CFAP299: variants seen among roughly 807,000 people sequenced by gnomAD.
CFAP299 encodes the protein cilia- and flagella-associated protein 299.
In CFAP299, 21 loss-of-function variants were observed where a neutral mutation model predicts 27.0. The observed-to-expected ratio is 0.78, with a 90% confidence interval of 0.55 to 1.12. The LOEUF is 1.12. Ranked by LOEUF, CFAP299 falls within the 50% of genes most tolerant of loss-of-function variation. The pLI, the probability that CFAP299 is intolerant of heterozygous loss-of-function variation, is 0.00. For missense variants in CFAP299, 310 were observed against 276.6 expected, an observed-to-expected ratio of 1.12 and a Z score of -0.86; for synonymous variants, 104 against 98.1, an observed-to-expected ratio of 1.06 and a Z score of -0.36.
At chr4:80,696,223 C>A (rs1211469315) in intron 3 of CFAP299, among the ~76,000 whole-genome samples, 1 of 150,986 alleles carries the variant, frequency 6.6e-6, no homozygotes, top group Non-Finnish European at 1.5e-5. Flanking sequence ...ATTGCTTGAA[C>A]CTGGGAGGCG....
intron 2 of CFAP299, among the ~76,000 whole-genome samples, chr4:80,578,552 A>C (rs1422783304): frequency 1.3e-5 from 2 of 152,272 alleles, no homozygotes; most frequent in East Asian, 3.9e-4. Flanking sequence ...CATAATAATA[A>C]AAGAAGAACA....
At chr4:80,930,401 T>C (rs1474077067) in intron 4 of CFAP299, among the ~76,000 whole-genome samples, 2 of 152,170 alleles carry the variant, frequency 1.3e-5, no homozygotes, top group Non-Finnish European at 2.9e-5. Flanking sequence ...TCATGGGATT[T>C]CTAATTAATA....
intron 2 of CFAP299, among the ~76,000 whole-genome samples, chr4:80,528,387 G>A (rs1410588045): frequency 6.6e-6 from 1 of 152,002 alleles, no homozygotes; most frequent in African/African-American, 2.4e-5. Flanking sequence ...TATGGTTCAT[G>A]TAGCATTCTC....
At position 80,856,334 on chromosome 4, in the gene CFAP299, T is replaced by C. The variant is rs961691243; in HGVS notation, c.334-13659T>C. Among the ~76,000 whole-genome samples, 2 of 148,586 alleles carry C rather than the reference T, an allele frequency of 1.3e-5. 1 individual carries two copies. Among genetic ancestry groups the C allele is most frequent in the South Asian group, 4.3e-4 (2 of 4,606 alleles). ...TGTCAGATGAGTAGGTTGCGAAAATTTTCTCCCATTTTGTGGGTTGCCTGT... is the reference window on the plus strand; with the variant it reads ...TGTCAGATGAGTAGGTTGCGAAAATCTTCTCCCATTTTGTGGGTTGCCTGT... On this transcript the variant is annotated intron_variant, in intron 3 of 5. Coordinates refer to ENST00000358105, the MANE Select transcript of CFAP299 (RefSeq NM_152770.3).
intron 4 of CFAP299, among the ~76,000 whole-genome samples, chr4:80,902,068 T>G (rs1281425922): frequency 1.3e-5 from 2 of 151,984 alleles, no homozygotes; most frequent in South Asian, 2.1e-4. Flanking sequence ...ATAACAAAAC[T>G]GTGATATTTT....
intron 2 of CFAP299, among the ~76,000 whole-genome samples, chr4:80,433,730 G>A: frequency 6.6e-6 from 1 of 151,906 alleles, no homozygotes; most frequent in East Asian, 1.9e-4. Flanking sequence ...TGCTCTCAGA[G>A]TAACTTTTTC....
chr4:80,521,058 A>G (rs1307191701), intron 2 of CFAP299, among the ~76,000 whole-genome samples: 1 of 152,202 alleles, frequency 6.6e-6, no homozygotes, highest in African/African-American at 2.4e-5. Flanking sequence ...TGCGATTAAA[A>G]CAATGACATC....
intron 2 of CFAP299, among the ~76,000 whole-genome samples, chr4:80,391,730 G>A (rs1725492140): frequency 6.6e-6 from 1 of 152,168 alleles, no homozygotes; most frequent in South Asian, 2.1e-4. Flanking sequence ...CACTTTGGTA[G>A]GCTAAGATGG....
At chr4:80,378,175 A>C (rs1342970006) in intron 2 of CFAP299, among the ~76,000 whole-genome samples, 2 of 152,132 alleles carry the variant, frequency 1.3e-5, no homozygotes, top group Non-Finnish European at 2.9e-5. Flanking sequence ...CTGTCCCTAG[A>C]AATTTCATTT....
At chr4:80,890,308 A>G (rs1286525264) in intron 4 of CFAP299, among the ~76,000 whole-genome samples, 1 of 152,182 alleles carries the variant, frequency 6.6e-6, no homozygotes, top group African/African-American at 2.4e-5. Context: ...ACATATAAAA[A>G]TCAGGAGCAT....
intron 3 of CFAP299, among the ~76,000 whole-genome samples, chr4:80,660,379 TAGAC>T (rs775870466): frequency 5.9e-5 from 9 of 151,994 alleles, no homozygotes; most frequent in Non-Finnish European, 7.4e-5. Flanking sequence ...CTATAAGAAA[TAGAC>T]AGTCAATGAA....
chr4:80,655,819 CT>C (rs1179794374), intron 3 of CFAP299, among the ~76,000 whole-genome samples: 1 of 152,142 alleles, frequency 6.6e-6, no homozygotes, highest in Non-Finnish European at 1.5e-5. Context: ...AAGCTGCCAA[CT>C]TCATTTTCTG....
At chr4:80,796,276 G>GGT (rs1293578060) in intron 3 of CFAP299, among the ~76,000 whole-genome samples, 4 of 152,138 alleles carry the variant, frequency 2.6e-5, no homozygotes, top group Non-Finnish European at 5.9e-5. Flanking sequence ...ATTTTACTGA[G>GGT]GTAGAGATCT....
At chr4:80,885,479 G>A (rs925871868) in intron 4 of CFAP299, among the ~76,000 whole-genome samples, 2 of 152,158 alleles carry the variant, frequency 1.3e-5, no homozygotes, top group African/African-American at 4.8e-5. Context: ...TCCTGCCCAA[G>A]GTCAGGAGAG....
At chr4:80,938,530 A>G (rs1217374827) in intron 4 of CFAP299, among the ~76,000 whole-genome samples, 1 of 152,188 alleles carries the variant, frequency 6.6e-6, no homozygotes, top group Non-Finnish European at 1.5e-5. Flanking sequence ...AACAATGCTT[A>G]TCACTGGCTT....
At chr4:80,799,578 TAAAA>T (rs1728161529) in intron 3 of CFAP299, among the ~76,000 whole-genome samples, 1 of 70,810 alleles carries the variant, frequency 1.4e-5, no homozygotes, top group African/African-American at 6.2e-5. Flanking sequence ...TATATATTTA[TAAAA>T]TATATTATAT....
chr4:80,560,567 C>A (rs2110220730), intron 2 of CFAP299, among the ~76,000 whole-genome samples: 1 of 152,152 alleles, frequency 6.6e-6, no homozygotes, highest in Non-Finnish European at 1.5e-5. Context: ...CTGCCCTAGG[C>A]CAGAGGGATA....
At chr4:80,427,260 ATATTT>A (rs941849662) in intron 2 of CFAP299, among the ~76,000 whole-genome samples, 3 of 152,148 alleles carry the variant, frequency 2.0e-5, no homozygotes, top group African/African-American at 7.2e-5. Flanking sequence ...TTCCACCAAC[ATATTT>A]TATTTTATTT....
chr4:80,500,990 G>A (rs1386689445), intron 2 of CFAP299, among the ~76,000 whole-genome samples: 2 of 152,082 alleles, frequency 1.3e-5, no homozygotes, highest in Non-Finnish European at 2.9e-5. Flanking sequence ...ACGTGGATAA[G>A]TAACTGCTAA....
Sources: gnomAD v4.1 joint callset for allele counts (sites outside exome capture counted in the v4.1 genomes callset) on GRCh38, gnomAD v4.1.1 for gene constraint, MANE v1.5 for transcripts, NCBI Gene and HGNC (gene_info 2026-07-23, HGNC 2026-07-21) for gene names.